KIAA1217: variants seen among roughly 807,000 people sequenced by gnomAD.
KIAA1217 encodes the protein KIAA1217.
In KIAA1217, 88 loss-of-function variants were observed where a neutral mutation model predicts 163.9. The observed-to-expected ratio is 0.54, with a 90% confidence interval of 0.45 to 0.64. The LOEUF (loss-of-function observed/expected upper bound fraction) is 0.64, where lower values mean the gene tolerates loss of function less well. KIAA1217 is among the 30% of genes least tolerant of loss of function. The pLI is 0.00. For missense variants in KIAA1217, 2,372 were observed against 2,475.0 expected, an observed-to-expected ratio of 0.96 and a Z score of 0.88; for synonymous variants, 903 against 923.1, an observed-to-expected ratio of 0.98 and a Z score of 0.39.
chr10:23,700,421 C>T (rs1836362074), intron 1 of KIAA1217, among the ~76,000 whole-genome samples: 1 of 152,048 alleles, frequency 6.6e-6, no homozygotes. Flanking sequence ...CATACACAGC[C>T]ACAGCAATAC....
intron 2 of KIAA1217, among the ~76,000 whole-genome samples, chr10:24,113,895 G>C (rs2062951411): frequency 6.6e-6 from 1 of 152,178 alleles, no homozygotes; most frequent in Non-Finnish European, 1.5e-5. Context: ...AGACCCCCAT[G>C]TTCACAATTA....
At chr10:23,884,256 A>G (rs1332483076) in intron 1 of KIAA1217, among the ~76,000 whole-genome samples, 1 of 152,058 alleles carries the variant, frequency 6.6e-6, no homozygotes, top group Middle Eastern at 3.4e-3. Context: ...ATTGCTCCAC[A>G]TCCCCACCAG....
rs1005551672 is a variant in KIAA1217, at chr10:24,093,271, A to G, written c.-171+85897A>G. The stretch of plus-strand genomic sequence containing the variant: ...CTGCAGCCTCCACCTGCTGGGTTCC[A>G]GTTATTCTCCTGCCTCAGCCTCCCT... On this transcript the variant is annotated intron_variant, in intron 2 of 18. Transcript: ENST00000376462. Among the ~76,000 whole-genome samples, 10 of 151,814 alleles carry G rather than the reference A, an allele frequency of 6.6e-5. No individual in the cohort carries two copies. The East Asian group carries it at 1.9e-3, about 29-fold the overall frequency.
chr10:24,072,231 T>C (rs1463910818), intron 2 of KIAA1217, among the ~76,000 whole-genome samples: 2 of 152,074 alleles, frequency 1.3e-5, no homozygotes, highest in Non-Finnish European at 2.9e-5. Context: ...TCTCACTATG[T>C]TGCCCAGGCT....
intron 3 of KIAA1217, among the ~76,000 whole-genome samples, chr10:24,424,410 A>G (rs972581041): frequency 2.0e-5 from 3 of 152,232 alleles, no homozygotes; most frequent in African/African-American, 7.2e-5. Context: ...GATGACCAGA[A>G]AACACCTCCA....
At chr10:24,369,082 C>G (rs1257329133) in intron 2 of KIAA1217, among the ~76,000 whole-genome samples, 1 of 152,058 alleles carries the variant, frequency 6.6e-6, no homozygotes, top group Non-Finnish European at 1.5e-5. Flanking sequence ...TAAATTTTGT[C>G]TTCTGTCCAT....
intron 1 of KIAA1217, among the ~76,000 whole-genome samples, chr10:23,817,542 C>T (rs10828556): frequency 0.19 from 28,881 of 151,824 alleles, 2,899 homozygotes; most frequent in Middle Eastern, 0.29. Flanking sequence ...GAATAAACTC[C>T]AGGATAAAAG....
intron 2 of KIAA1217, among the ~76,000 whole-genome samples, chr10:24,137,575 C>A (rs151111702): frequency 6.6e-6 from 1 of 152,128 alleles, no homozygotes; most frequent in Non-Finnish European, 1.5e-5. Context: ...AAATTGTTGA[C>A]CTGAGTTCAA....
intron 2 of KIAA1217, among the ~76,000 whole-genome samples, chr10:24,161,094 CCCTA>C (rs1386938713): frequency 2.6e-5 from 4 of 152,180 alleles, no homozygotes; most frequent in Non-Finnish European, 5.9e-5. Context: ...GAGTGAGCAG[CCCTA>C]CCTCCCTAAA....
chr10:23,759,244 T>C (rs1437900964), intron 1 of KIAA1217, among the ~76,000 whole-genome samples: 2 of 152,214 alleles, frequency 1.3e-5, no homozygotes, highest in African/African-American at 4.8e-5. Flanking sequence ...AAAATGCAAG[T>C]GTTTTTTGTG....
At chr10:23,877,320 A>G (rs566021464) in intron 1 of KIAA1217, 11 of 151,908 alleles carry the variant, frequency 7.2e-5, no homozygotes, top group African/African-American at 2.6e-4. Context: ...ATTTTATTTC[A>G]TACAGGATTT....
rs191815201 is a variant in KIAA1217, at chr10:23,825,025, A to G, written c.-321+129791A>G. Among the ~76,000 whole-genome samples, 770 of 152,224 alleles carry G rather than the reference A, an allele frequency of 5.1e-3. 25 individuals are homozygous for G. The highest frequency in any genetic ancestry group is 0.042 in the Admixed American group (647 of 15,288). ...ATGTTATCGGGAACATCTGCTCCAC[A>G]TGGTTTGGTCTCAATTCAGCAAAAT... On this transcript the variant is annotated intron_variant, in intron 1 of 18. Coordinates refer to the KIAA1217 transcript ENST00000376462.
chr10:23,826,112 G>A (rs1329390946), intron 1 of KIAA1217, among the ~76,000 whole-genome samples: 1 of 151,958 alleles, frequency 6.6e-6, no homozygotes, highest in Non-Finnish European at 1.5e-5. Flanking sequence ...AGTGAGTTGA[G>A]TCTATCTAGA....
intron 2 of KIAA1217, among the ~76,000 whole-genome samples, chr10:24,132,337 A>G (rs954230411): frequency 6.6e-6 from 1 of 152,182 alleles, no homozygotes. Context: ...TTTGAGTTGG[A>G]GTTAATAAGG....
Position 23,809,994 on chromosome 10 carries a change from A to G in KIAA1217, c.-321+114760A>G, listed in dbSNP as rs146670733. ...TATAGTATTGAATAAATTACATGAG[A>G]TATTCAACACTTTATTATAAAATCA... On this transcript the variant is annotated intron_variant, in intron 1 of 18. Transcript: ENST00000376462. Among the ~76,000 whole-genome samples, 40 of 152,064 alleles carry G rather than the reference A, an allele frequency of 2.6e-4. No homozygotes were observed. The East Asian group carries it at 6.8e-3, about 26-fold the overall frequency.
chr10:24,245,797 ATT>A (rs112794379), intron 2 of KIAA1217, among the ~76,000 whole-genome samples: 3,436 of 145,944 alleles, frequency 0.024, 69 homozygotes, highest in African/African-American at 0.05. Context: ...ACACCAACTA[ATT>A]TTTTTTTTTT....
intron 2 of KIAA1217, among the ~76,000 whole-genome samples, chr10:24,008,177 G>GATAC (rs1379706874): frequency 6.6e-6 from 1 of 151,692 alleles, no homozygotes; most frequent in Non-Finnish European, 1.5e-5. Context: ...TAGATAGATA[G>GATAC]ATAGATAGAT....
chr10:23,992,190 T>C lies in KIAA1217; in HGVS notation c.-320-15035T>C, dbSNP rs372583341. ...CATGTAGATTTATAAGTTTTCTTTT[T>C]ATTGATAATTCATTGTGGAAATTAC... On this transcript the variant is annotated intron_variant, in intron 1 of 18. Transcript: ENST00000376462. 5.4e-4 allele frequency among the ~76,000 whole-genome samples: 83 copies of C among 152,354 alleles called. No individual in the cohort carries two copies. In the South Asian group the frequency reaches 0.017, roughly 31 times the overall value.
At chr10:23,714,995 C>T (rs1247585811) in intron 1 of KIAA1217, among the ~76,000 whole-genome samples, 1 of 152,128 alleles carries the variant, frequency 6.6e-6, no homozygotes, top group Non-Finnish European at 1.5e-5. Context: ...TGCATCATAG[C>T]CTATAATTTG....
Sources: allele counts gnomAD v4.1 joint callset (sites outside exome capture counted in the v4.1 genomes callset), GRCh38; gene constraint gnomAD v4.1.1; transcripts MANE v1.5; gene names NCBI Gene and HGNC (gene_info 2026-07-23, HGNC 2026-07-21).